The following CA8 variants were observed in gnomAD, a reference collection of about 807,000 sequenced individuals.
CA8 encodes carbonic anhydrase-related protein.
CA8 carries 22 observed loss-of-function variants against 41.4 expected under a neutral mutation model. The ratio of observed to expected loss-of-function variants is 0.53; its 90% CI spans 0.38 to 0.76. The LOEUF (loss-of-function observed/expected upper bound fraction) is 0.76. Ranked by LOEUF, CA8 falls within the 30% of genes least tolerant of loss-of-function variation. The probability of loss-of-function intolerance (pLI) is 0.00; values close to 1 mark genes in which losing one functional copy is unlikely to be tolerated. For missense variants in CA8, 270 were observed against 352.8 expected (o/e 0.77, Z 1.88); for synonymous variants, 121 against 130.6 (o/e 0.93, Z 0.50).
intron 7 of CA8, among the ~76,000 whole-genome samples, chr8:60,222,305 T>C (rs1807278268): frequency 6.6e-6 from 1 of 151,982 alleles, no homozygotes; most frequent in Admixed American, 6.6e-5. Flanking sequence ...ATGAGTGACT[T>C]ACAGAAATAA....
At chr8:60,244,384 TAC>T (rs1808147599) in intron 3 of CA8, among the ~76,000 whole-genome samples, 1 of 152,196 alleles carries the variant, frequency 6.6e-6, no homozygotes, top group Non-Finnish European at 1.5e-5. Context: ...GCCCACGAGG[TAC>T]AGTCCAACCT....
intron 7 of CA8, among the ~76,000 whole-genome samples, chr8:60,221,079 C>T (rs368179086): frequency 1.3e-5 from 2 of 152,216 alleles, no homozygotes; most frequent in South Asian, 4.1e-4. Context: ...TGAGGTTTAT[C>T]TGTTGCAGCA....
At chr8:60,208,327 G>C (rs575997133) in intron 8 of CA8, 1 of 170,808 alleles carries the variant, frequency 5.9e-6, no homozygotes, top group African/African-American at 2.4e-5. Context: ...AATTCTGCAG[G>C]AGACGAGAAG....
At chr8:60,254,089 G>A (rs569971890) in intron 3 of CA8, among the ~76,000 whole-genome samples, 12 of 152,236 alleles carry the variant, frequency 7.9e-5, no homozygotes, top group Admixed American at 3.9e-4. Context: ...CCCTTTAATC[G>A]TTATCTTTTC....
At chr8:60,256,033 G>A (rs996227811) in intron 3 of CA8, among the ~76,000 whole-genome samples, 20 of 113,306 alleles carry the variant, frequency 1.8e-4, no homozygotes, top group Non-Finnish European at 3.3e-4. Flanking sequence ...CTCAGCTTCC[G>A]TAGTAGCTGG....
intron 2 of CA8, among the ~76,000 whole-genome samples, chr8:60,271,312 C>T (rs1426309599): frequency 1.3e-5 from 2 of 149,446 alleles, no homozygotes; most frequent in African/African-American, 5.0e-5. Flanking sequence ...CCAGCGTGGC[C>T]AACAGAATGA....
At chr8:60,231,615 CAG>C (rs903673616) in intron 4 of CA8, among the ~76,000 whole-genome samples, 2 of 152,158 alleles carry the variant, frequency 1.3e-5, no homozygotes, top group African/African-American at 4.8e-5. Context: ...CTAAAATTTC[CAG>C]ATACTCTTTC....
At chr8:60,259,723 A>C (rs1248857219) in intron 3 of CA8, among the ~76,000 whole-genome samples, 1 of 152,100 alleles carries the variant, frequency 6.6e-6, no homozygotes, top group Non-Finnish European at 1.5e-5. Context: ...GAATTCAGGA[A>C]ACATAAAATT....
intron 7 of CA8, among the ~76,000 whole-genome samples, chr8:60,210,681 T>G (rs898552214): frequency 6.6e-6 from 1 of 152,064 alleles, no homozygotes; most frequent in East Asian, 1.9e-4. Flanking sequence ...TGTCACTGAA[T>G]ACTGGTTGAT....
chr8:60,262,946 G>T (rs376204336), intron 3 of CA8, among the ~76,000 whole-genome samples: 15 of 152,328 alleles, frequency 9.8e-5, no homozygotes, highest in East Asian at 3.9e-4. Flanking sequence ...TTGAAACCAT[G>T]TCAGTGCTGA....
intron 2 of CA8, among the ~76,000 whole-genome samples, chr8:60,276,987 C>G (rs756383788): frequency 6.6e-6 from 1 of 151,812 alleles, no homozygotes; most frequent in Non-Finnish European, 1.5e-5. Flanking sequence ...GGTGTGGTGG[C>G]GGGCGCCTGT....
intron 3 of CA8, among the ~76,000 whole-genome samples, chr8:60,235,535 A>T (rs1441980854): frequency 6.6e-6 from 1 of 152,226 alleles, no homozygotes; most frequent in African/African-American, 2.4e-5. Flanking sequence ...TTCAAATCTG[A>T]AAAGCTTGAA....
At chr8:60,192,188 A>G (rs4631456) in intron 8 of CA8, among the ~76,000 whole-genome samples, 42,399 of 151,316 alleles carry the variant, frequency 0.28, 6,140 homozygotes, top group Middle Eastern at 0.41. Flanking sequence ...TACTGCAAAT[A>G]CCAGATTAAC....
intron 3 of CA8, chr8:60,265,485 C>T (rs1803872450): frequency 1.3e-5 from 2 of 158,476 alleles, no homozygotes; most frequent in South Asian, 3.7e-4. Context: ...CTCTTTCTCC[C>T]TCCCTCCCCA....
chr8:60,234,851 C>A (rs1807776940), intron 3 of CA8, among the ~76,000 whole-genome samples: 2 of 152,194 alleles, frequency 1.3e-5, no homozygotes, highest in African/African-American at 4.8e-5. Flanking sequence ...ACCTTCTTCT[C>A]TTGAAGGTCC....
intron 8 of CA8, among the ~76,000 whole-genome samples, chr8:60,202,315 T>A (rs1806457214): frequency 6.6e-6 from 1 of 151,730 alleles, no homozygotes; most frequent in Non-Finnish European, 1.5e-5. Flanking sequence ...CCTCACAAAC[T>A]GCTGGGATTA....
rs537724579 is a variant in CA8, at chr8:60,238,676, A to G, written c.418-6297T>C. On this transcript the variant is annotated intron_variant, in intron 3 of 8. Transcript: ENST00000317995. Reference sequence around the variant, plus strand: ...ATCTCTTTTTAACACAACTTTCACCACATTTCCTCTGTTGAAAATCTCTGA... The same window carrying G: ...ATCTCTTTTTAACACAACTTTCACCGCATTTCCTCTGTTGAAAATCTCTGA... Among the ~76,000 whole-genome samples the G allele has an allele frequency of 1.2e-4, 19 of 152,156 alleles. No homozygotes were observed. In the South Asian group the frequency reaches 4.0e-3, roughly 32 times the overall value.
At chr8:60,209,417 G>A (rs926001441) in intron 7 of CA8, among the ~76,000 whole-genome samples, 2 of 151,636 alleles carry the variant, frequency 1.3e-5, no homozygotes, top group African/African-American at 4.9e-5. Context: ...CCCATGAGGC[G>A]GAGGTTGCAG....
intron 8 of CA8, among the ~76,000 whole-genome samples, chr8:60,206,060 C>A (rs1806566086): frequency 6.6e-6 from 1 of 151,988 alleles, no homozygotes; most frequent in Non-Finnish European, 1.5e-5. Flanking sequence ...GAACTCTGAC[C>A]AGATTTGTAT....
Sources: allele counts gnomAD v4.1 joint callset (sites outside exome capture counted in the v4.1 genomes callset), GRCh38; gene constraint gnomAD v4.1.1; transcripts MANE v1.5; gene names NCBI Gene and HGNC (gene_info 2026-07-23, HGNC 2026-07-21).